The following GPS2 variants were observed in gnomAD, a reference collection of about 807,000 sequenced individuals.
GPS2 encodes G protein pathway suppressor 2, also known as GPS-2.
In GPS2, 22 loss-of-function variants were observed where a neutral mutation model predicts 48.1. That is an observed-to-expected ratio of 0.46 (90% confidence interval 0.33 to 0.65). The LOEUF (loss-of-function observed/expected upper bound fraction) is 0.65. GPS2 is among the 30% of genes least tolerant of loss of function. The pLI is 0.03. For synonymous variants in GPS2, 202 were observed against 142.5 expected, an observed-to-expected ratio of 1.42 and a Z score of -2.98; for missense variants, 366 against 406.8, an observed-to-expected ratio of 0.90 and a Z score of 0.86.
chr17:7,313,398 A>C lies in GPS2; in HGVS notation c.706T>G (p.Phe236Val). 1 of 1,614,152 alleles carries C rather than the reference A, an allele frequency of 6.2e-7. No homozygotes were observed. Among genetic ancestry groups the C allele is most frequent in the South Asian group, 1.1e-5 (1 of 91,080 alleles). Reference sequence around the variant, plus strand: ...TTATCACCTGTCTGAGTGGGCTGAAAGTGGCCATGCACAGCATAGGGCTGT... The same window carrying C: ...TTATCACCTGTCTGAGTGGGCTGAACGTGGCCATGCACAGCATAGGGCTGT... Reference protein sequence around the residue: ...QPQPYAVHGHFQPTQTGFLQP... With the variant: ...QPQPYAVHGHVQPTQTGFLQP... Residue 236 changes from phenylalanine to valine, a missense_variant, in exon 8 of 11, where the codon TTT (phenylalanine) becomes GTT (valine). Phe to Val is a conservative substitution (Grantham distance 50). This residue lies in a region of GPS2 where 275 missense variants were observed against 282.3 expected (regional missense o/e 0.97). Coordinates refer to ENST00000380728, the MANE Select transcript of GPS2 (RefSeq NM_004489.5).
At position 7,312,746 on chromosome 17, in the gene GPS2, A is replaced by C; in HGVS notation, c.*10T>G. On this transcript the variant is annotated 3_prime_UTR_variant, in exon 11 of 11. Coordinates refer to ENST00000380728, the MANE Select transcript of GPS2 (RefSeq NM_004489.5). ...GTGGGGGGTGTGGTGTTGAAGATATAATCTGATGGTCACTTGTGGTAGAAT... is the reference window on the plus strand; with the variant it reads ...GTGGGGGGTGTGGTGTTGAAGATATCATCTGATGGTCACTTGTGGTAGAAT... 3.7e-6 allele frequency: 6 copies of C among 1,608,524 alleles called. No homozygotes were observed. Among genetic ancestry groups the C allele is most frequent in the Non-Finnish European group, 5.1e-6 (6 of 1,174,998 alleles).
intron 2 of GPS2, 62 bp from the exon 3 acceptor site, chr17:7,314,659 T>C (rs942274412): frequency 4.3e-6 from 7 of 1,609,222 alleles, no homozygotes; most frequent in African/African-American, 1.3e-5. Flanking sequence ...ACGTTACAGA[T>C]TGAAGACCAG....
In GPS2 at chr17:7,314,497, G is replaced by A. The variant is rs1467446404; in HGVS notation, c.195C>T (p.Thr65=). Residue 65 remains threonine (T), a synonymous_variant, in exon 3 of 11, where the codon ACC becomes ACT. Transcript: ENST00000380728. The part of the protein sequence containing the change: ...EMEERMSLEE[T]KEQILKLEEK... ...TCAAGGGACTGCTTACTTGTTCCTT[G>A]GTCTCCTCTAATGACATTCTCTCTT... The A allele has an allele frequency of 6.2e-7, 1 of 1,613,954 alleles. No individual in the cohort carries two copies. Among genetic ancestry groups the A allele is most frequent in the African/African-American group, 1.3e-5 (1 of 74,866 alleles).
At chr17:7,314,628 A>G in intron 2 of GPS2, 31 bp from the exon 3 acceptor site, 1 of 1,613,598 alleles carries the variant, frequency 6.2e-7, no homozygotes, top group Non-Finnish European at 8.5e-7. Flanking sequence ...AAGAAGAGGC[A>G]GGGTAGTGAA....
In GPS2 at chr17:7,314,844, C is replaced by T; in HGVS notation, c.94+115G>A. ...AAATCCCACCACAACGGGGCTATTC[C>T]TTCCCTCCTCTGCGCTCGGCAGCGG... On this transcript the variant is annotated intron_variant, in intron 2 of 10. Coordinates refer to ENST00000380728, the MANE Select transcript of GPS2 (RefSeq NM_004489.5). 3 of 1,349,650 alleles carry T rather than the reference C, an allele frequency of 2.2e-6. No homozygotes were observed. The South Asian group carries it at 3.7e-5, about 17-fold the overall frequency. The allele number at this position is 1,349,650 out of a possible 1,614,324, so 83.6% of individuals were successfully genotyped here. A position where few individuals can be genotyped will look rare whatever the true frequency, so the allele number is the denominator to read the frequency against.
Position 7,314,374 on chromosome 17 carries a change from A to T in GPS2, c.234T>A (p.Ala78=). 6.2e-7 allele frequency: 1 copy of T among 1,614,100 alleles called. No individual in the cohort carries two copies. The highest frequency in any genetic ancestry group is 1.1e-5 in the South Asian group (1 of 91,082). ...QILKLEEKLL[A]LQEEKHQLFL... ...AAAGCTGGTGCTTCTCTTCCTGTAGAGCCAAAAGCTTCTCCTCCAACTTCA... is the reference window on the plus strand; with the variant it reads ...AAAGCTGGTGCTTCTCTTCCTGTAGTGCCAAAAGCTTCTCCTCCAACTTCA... Residue 78 remains alanine, a synonymous_variant, in exon 4 of 11, where the codon GCT becomes GCA. Coordinates refer to ENST00000380728, the MANE Select transcript of GPS2 (RefSeq NM_004489.5).
In GPS2 at chr17:7,315,095, C is replaced by A. The variant is rs764101033; in HGVS notation, c.-43G>T. Reference sequence around the variant, plus strand: ...TCGGGCCGTGGGCGCCCGGCTGTCTCTGACTGCCAGACCTCAGACGGGGCC... The same window carrying A: ...TCGGGCCGTGGGCGCCCGGCTGTCTATGACTGCCAGACCTCAGACGGGGCC... On this transcript the variant is annotated 5_prime_UTR_variant, in exon 2 of 11. Transcript: ENST00000380728. 9.9e-5 allele frequency: 147 copies of A among 1,487,234 alleles called. 1 individual carries two copies. Among genetic ancestry groups the A allele is most frequent in the Non-Finnish European group, 1.3e-4 (138 of 1,102,538 alleles). The allele number at this position is 1,487,234 out of a possible 1,614,324, so 92.1% of individuals were successfully genotyped here. A position where few individuals can be genotyped will look rare whatever the true frequency, so the allele number is the denominator to read the frequency against.
Position 7,313,902 on chromosome 17 carries a change from T to A in GPS2, c.480+4A>T. On this transcript the variant is annotated splice_donor_region_variant and intron_variant, in intron 6 of 10. Transcript: ENST00000380728. ...AGGGGCTAGGCATCCAATCCTACTCTCACCGTAAGCACTTGGGGTCCAAAC... is the reference window on the plus strand; with the variant it reads ...AGGGGCTAGGCATCCAATCCTACTCACACCGTAAGCACTTGGGGTCCAAAC... The A allele has an allele frequency of 6.2e-7, 1 of 1,613,480 alleles. No individual in the cohort carries two copies. Among genetic ancestry groups the A allele is most frequent in the Non-Finnish European group, 8.5e-7 (1 of 1,179,414 alleles).
In GPS2 at chr17:7,313,215, G is replaced by A. The variant is rs773097026; in HGVS notation, c.801C>T (p.Asp267=). 20 of 1,613,812 alleles carry A rather than the reference G, an allele frequency of 1.2e-5. No individual in the cohort carries two copies. Among genetic ancestry groups the A allele is most frequent in the Non-Finnish European group, 1.7e-5 (20 of 1,179,796 alleles). Residue 267 remains aspartate, a synonymous_variant, in exon 9 of 11, where the codon GAC becomes GAT. Coordinates refer to ENST00000380728, the MANE Select transcript of GPS2 (RefSeq NM_004489.5). ...CCTCCCAAGGTGCCATACTCACTGAGTCGGAGAAGCCAGTCTGCTGGTTAG... is the reference window on the plus strand; with the variant it reads ...CCTCCCAAGGTGCCATACTCACTGAATCGGAGAAGCCAGTCTGCTGGTTAG... ...EHANQQTGFS[D]SSSLRPMHPQ...
In GPS2 at chr17:7,313,360, C is replaced by T; in HGVS notation, c.724+20G>A. The T allele has an allele frequency of 2.5e-6, 4 of 1,612,776 alleles. No individual in the cohort carries two copies. Among genetic ancestry groups the T allele is most frequent in the Non-Finnish European group, 2.5e-6 (3 of 1,178,798 alleles). On this transcript the variant is annotated intron_variant, in intron 8 of 10. Transcript: ENST00000380728. Reference sequence around the variant, plus strand: ...AGGGGAGGACCTGAGAGCTAGAGCTCCTGCATGGGATGTTATCACCTGTCT... The same window carrying T: ...AGGGGAGGACCTGAGAGCTAGAGCTTCTGCATGGGATGTTATCACCTGTCT...
rs765243488 is a variant in GPS2 at position 7,313,958 on chromosome 17, G to A, written c.428C>T (p.Thr143Ile). ...GSPGGHNRPGTLMAADRAKQM... is the reference protein window; with the variant it reads ...GSPGGHNRPGILMAADRAKQM... ...TTTGGCTCTGTCAGCTGCCATGAGG[G>A]TGCCTGGGCGATTGTGTCCTCCAGG... Residue 143 changes from threonine to isoleucine, a missense_variant, in exon 6 of 11, where the codon ACC (threonine) becomes ATC (isoleucine). Physicochemically the swap from Thr to Ile is moderately conservative, Grantham distance 89. Coordinates refer to ENST00000380728, the MANE Select transcript of GPS2 (RefSeq NM_004489.5). 6 of 1,614,104 alleles carry A rather than the reference G, an allele frequency of 3.7e-6. No homozygotes were observed. Among genetic ancestry groups the A allele is most frequent in the Non-Finnish European group, 4.2e-6 (5 of 1,179,982 alleles).
chr17:7,313,829 T>G, intron 6 of GPS2, 77 bp downstream of exon 6: 1 of 1,564,552 alleles, frequency 6.4e-7, no homozygotes, highest in Non-Finnish European at 8.8e-7. Context: ...GTGCTTGATA[T>G]GTTTGTGACT....
chr17:7,313,058 G>T lies in GPS2; in HGVS notation c.871C>A (p.Leu291Ile), dbSNP rs1467286855. The T allele has an allele frequency of 1.3e-6, 2 of 1,558,976 alleles. No individual in the cohort carries two copies. The highest frequency in any genetic ancestry group is 8.7e-7 in the Non-Finnish European group (1 of 1,150,880). Residue 291 changes from leucine to isoleucine, a missense_variant, in exon 10 of 11, where the codon CTC becomes ATC. Physicochemically the swap from Leu to Ile is conservative, Grantham distance 5. Coordinates refer to ENST00000380728, the MANE Select transcript of GPS2 (RefSeq NM_004489.5). The stretch of plus-strand genomic sequence containing the variant: ...CCTGCTGGCTGCATCTGCACAGGGA[G>T]CTGGGGGGAAGCAAGGAGTCCAGGG... ...PAPGLLASPQ[L>I]PVQMQPAGKS...
chr17:7,314,221 AC>A, intron 4 of GPS2, 62 bp from the exon 5 acceptor site: 1 of 1,593,810 alleles, frequency 6.3e-7, no homozygotes, highest in Non-Finnish European at 8.6e-7. Flanking sequence ...GCCATTAAAC[AC>A]TGGTTCTTTT....
Position 7,314,765 on chromosome 17 carries a change from G to T in GPS2, c.95-168C>A, listed in dbSNP as rs576285160. 9.7e-5 allele frequency: 132 copies of T among 1,360,774 alleles called. No individual in the cohort carries two copies. In the South Asian group the frequency reaches 1.6e-3, roughly 16 times the overall value. 84.3% of individuals were successfully genotyped at this position (1,360,774 alleles called of 1,614,324 possible). A position where few individuals can be genotyped will look rare whatever the true frequency, so the allele number is the denominator to read the frequency against. ...AGGGAACGGAAAGGCTTTATCAGGT[G>T]CTCTCCAAGGTCCTTCCCATCTCAA... On this transcript the variant is annotated intron_variant, in intron 2 of 10. Transcript: ENST00000380728.
chr17:7,313,226 C>T lies in GPS2; in HGVS notation c.790G>A (p.Gly264Ser). 1 of 1,614,164 alleles carries T rather than the reference C, an allele frequency of 6.2e-7. No individual in the cohort carries two copies. The highest frequency in any genetic ancestry group is 8.5e-7 in the Non-Finnish European group (1 of 1,179,986). Residue 264 changes from glycine (G) to serine (S), a missense_variant, in exon 9 of 11, where the codon GGC becomes AGC. By Grantham distance (56) the Gly-to-Ser change is moderately conservative (BLOSUM62 0). Transcript: ENST00000380728. ...KQMEHANQQTGFSDSSSLRPM... is the reference protein window; with the variant it reads ...KQMEHANQQTSFSDSSSLRPM... ...GCCATACTCACTGAGTCGGAGAAGC[C>T]AGTCTGCTGGTTAGCATGTTCCATC... is the stretch of plus-strand genomic sequence containing the variant.
rs762414201 is a variant in GPS2 at position 7,315,061 on chromosome 17, C to G, written c.-9G>C. The G allele has an allele frequency of 7.0e-6, 11 of 1,578,458 alleles. No individual in the cohort carries two copies. The African/African-American group carries it at 1.4e-4, about 19-fold the overall frequency. ...TCCAGGAGTGCGGGCATGGTGCTGC[C>G]GTGGGCGCTCGGGCCGTGGGCGCCC... On this transcript the variant is annotated 5_prime_UTR_variant, in exon 2 of 11. Coordinates refer to ENST00000380728, the MANE Select transcript of GPS2 (RefSeq NM_004489.5).
rs1428454116 is a variant in GPS2 at position 7,314,507 on chromosome 17, A to G, written c.185T>C (p.Leu62Ser). Reference protein sequence around the residue: ...KKKEMEERMSLEETKEQILKL... With the variant: ...KKKEMEERMSSEETKEQILKL... Reference sequence around the variant, plus strand: ...GCTTACTTGTTCCTTGGTCTCCTCTAATGACATTCTCTCTTCCATCTCCTT... The same window carrying G: ...GCTTACTTGTTCCTTGGTCTCCTCTGATGACATTCTCTCTTCCATCTCCTT... The change falls in exon 3 of 11, where the codon TTA (leucine) becomes TCA (serine). Residue 62 changes from leucine (L) to serine (S), a missense_variant. Leu to Ser is a moderately radical substitution (Grantham distance 145). This residue lies in a region of GPS2 where 88 missense variants were observed against 107.4 expected (regional missense o/e 0.82). Coordinates refer to ENST00000380728, the MANE Select transcript of GPS2 (RefSeq NM_004489.5). The G allele has an allele frequency of 1.2e-6, 2 of 1,613,980 alleles. No homozygotes were observed. Among genetic ancestry groups the G allele is most frequent in the Admixed American group, 1.7e-5 (1 of 60,002 alleles).
At chr17:7,314,735 G>C in intron 2 of GPS2, 138 bp from the exon 3 acceptor site, 2 of 1,513,430 alleles carry the variant, frequency 1.3e-6, no homozygotes, top group South Asian at 2.4e-5. Context: ...CCCCATCGCG[G>C]CAATAGGGAA....
Sources: allele counts gnomAD v4.1 joint callset, GRCh38; gene constraint gnomAD v4.1.1; regional missense constraint gnomAD v4.1.1; transcripts MANE v1.5; gene names NCBI Gene and HGNC (gene_info 2026-07-23, HGNC 2026-07-21).